Variants in THSD4 observed in about 807,000 individuals in gnomAD.
THSD4 encodes the protein thrombospondin type-1 domain-containing protein 4.
A neutral mutation model predicts 119.0 loss-of-function variants in THSD4; 69 were observed. That is an observed-to-expected ratio of 0.58 (90% CI 0.48 to 0.71). THSD4 has a LOEUF of 0.71. Ranked by LOEUF, THSD4 falls within the 30% of genes least tolerant of loss-of-function variation. The pLI is 0.00. For synonymous variants in THSD4, 524 were observed against 540.4 expected (o/e 0.97, Z 0.42); for missense variants, 1,393 against 1,391.1 (o/e 1.00, Z -0.02).
At chr15:71,670,277 G>A (rs995150936) in intron 8 of THSD4, among the ~76,000 whole-genome samples, 2 of 151,680 alleles carry the variant, frequency 1.3e-5, no homozygotes, top group Non-Finnish European at 1.5e-5. Context: ...TCCCTGCCCT[G>A]TGTCCAAGTG....
At chr15:71,660,483 T>C (rs1292146826) in intron 7 of THSD4, 47 bp from the exon 8 acceptor site, 2 of 1,608,326 alleles carry the variant, frequency 1.2e-6, no homozygotes, top group South Asian at 1.1e-5. Context: ...TTCCTCTGCA[T>C]GCTCCTGATA....
intron 7 of THSD4, among the ~76,000 whole-genome samples, chr15:71,600,730 C>CTTTT: frequency 6.8e-6 from 1 of 147,576 alleles, no homozygotes; most frequent in African/African-American, 2.6e-5. Flanking sequence ...TCATGCCTGT[C>CTTTT]TTTTTTTTTC....
intron 2 of THSD4, among the ~76,000 whole-genome samples, chr15:71,143,215 G>A (rs2040622068): frequency 6.6e-6 from 1 of 152,146 alleles, no homozygotes; most frequent in Non-Finnish European, 1.5e-5. Context: ...CCAAATTAAC[G>A]TTTGGTGATC....
intron 1 of THSD4, among the ~76,000 whole-genome samples, chr15:71,138,863 T>TGTGTGTGTGTGTGA (rs1481793059): frequency 6.7e-6 from 1 of 149,618 alleles, no homozygotes; most frequent in South Asian, 2.1e-4. Context: ...AATTTCTTGG[T>TGTGTGTGTGTGTGA]GTGTGTGTGT....
intron 7 of THSD4, among the ~76,000 whole-genome samples, chr15:71,551,221 G>A (rs1030670814): frequency 3.6e-4 from 55 of 152,182 alleles, no homozygotes; most frequent in Admixed American, 1.8e-3. Flanking sequence ...TGTGTAAAAT[G>A]TGTTATCGAC....
At chr15:71,635,014 A>T (rs952191719) in intron 7 of THSD4, among the ~76,000 whole-genome samples, 6 of 152,228 alleles carry the variant, frequency 3.9e-5, no homozygotes, top group African/African-American at 1.2e-4. Flanking sequence ...AGACCGTCAG[A>T]TATTTCCTGC....
chr15:71,733,932 AAT>A, intron 10 of THSD4: 1 of 143,150 alleles, frequency 7.0e-6, no homozygotes, highest in Non-Finnish European at 1.5e-5. Context: ...AAAAAAAAAA[AAT>A]TGCTGAGAAA....
At chr15:71,301,230 AT>A (rs1297270956) in intron 6 of THSD4, among the ~76,000 whole-genome samples, 2 of 152,198 alleles carry the variant, frequency 1.3e-5, no homozygotes, top group African/African-American at 4.8e-5. Context: ...TGTTCTACAC[AT>A]TATTTAATTT....
intron 7 of THSD4, chr15:71,547,703 C>A: frequency 2.1e-6 from 1 of 476,640 alleles, no homozygotes; most frequent in Non-Finnish European, 3.5e-6. Flanking sequence ...GCTGTCTGTG[C>A]AGTTGCCACA....
chr15:71,455,715 A>T (rs1307858116), intron 7 of THSD4, among the ~76,000 whole-genome samples: 1 of 152,196 alleles, frequency 6.6e-6, no homozygotes, highest in African/African-American at 2.4e-5. Context: ...GAGAGGTAGC[A>T]GGCAGAAATT....
rs143504745 is a variant in THSD4, at chr15:71,537,417, G to T, written c.1153-123113G>T. 1.2e-4 allele frequency among the ~76,000 whole-genome samples: 19 copies of T among 152,136 alleles called. No homozygotes were observed. The East Asian group carries it at 3.7e-3, about 30-fold the overall frequency. On this transcript the variant is annotated intron_variant, in intron 7 of 17. Transcript: ENST00000261862. Reference sequence around the variant, plus strand: ...TTTGTCCTCAGCCCATCTGATACTGGGCTGGCTCCCCCTTGGTTGCTTCTA... The same window carrying T: ...TTTGTCCTCAGCCCATCTGATACTGTGCTGGCTCCCCCTTGGTTGCTTCTA...
Position 71,657,074 on chromosome 15 carries a change from AAGG to A in THSD4, c.1153-3453_1153-3451del, listed in dbSNP as rs200649695. Among the ~76,000 whole-genome samples the A allele has an allele frequency of 6.7e-3, 1,022 of 152,214 alleles. 12 individuals carry two copies. Among genetic ancestry groups the A allele is most frequent in the African/African-American group, 0.023 (971 of 41,510 alleles). ...CCAATTGTTAATTATCGACTTTCTA[AAGG>A]AGATTTGATCCTGTCCAGCACGACA... On this transcript the variant is annotated intron_variant, in intron 7 of 17. Transcript: ENST00000261862.
intron 3 of THSD4, among the ~76,000 whole-genome samples, chr15:71,160,778 T>C (rs1476792155): frequency 6.6e-6 from 1 of 151,880 alleles, no homozygotes; most frequent in Non-Finnish European, 1.5e-5. Context: ...TAAAATTTTT[T>C]TTTTTTTAGT....
intron 3 of THSD4, among the ~76,000 whole-genome samples, chr15:71,167,676 T>C (rs1011583026): frequency 3.3e-5 from 5 of 152,246 alleles, no homozygotes; most frequent in African/African-American, 1.2e-4. Context: ...TCACAATCTT[T>C]AGCAGACAGC....
chr15:71,577,045 G>A (rs4340286), intron 7 of THSD4, among the ~76,000 whole-genome samples: 111,564 of 151,142 alleles, frequency 0.74, 41,738 homozygotes, highest in East Asian at 0.91. Context: ...GGATTATGCA[G>A]TATGAACTGT....
chr15:71,600,724 G>C (rs1455151083), intron 7 of THSD4, among the ~76,000 whole-genome samples: 2 of 151,414 alleles, frequency 1.3e-5, no homozygotes, highest in East Asian at 3.9e-4. Flanking sequence ...CTATTATCAT[G>C]CCTGTCTTTT....
At chr15:71,275,588 T>G (rs2044580109) in intron 6 of THSD4, among the ~76,000 whole-genome samples, 1 of 152,208 alleles carries the variant, frequency 6.6e-6, no homozygotes, top group East Asian at 1.9e-4. Flanking sequence ...CTTTATATAT[T>G]TATCAGACAT....
chr15:71,206,652 T>C (rs2043846095), intron 3 of THSD4, among the ~76,000 whole-genome samples: 1 of 152,162 alleles, frequency 6.6e-6, no homozygotes, highest in South Asian at 2.1e-4. Context: ...CTTACATGAT[T>C]TCACATTAGT....
chr15:71,772,553 A>C (rs562119207), intron 17 of THSD4, among the ~76,000 whole-genome samples: 1 of 152,252 alleles, frequency 6.6e-6, no homozygotes, highest in African/African-American at 2.4e-5. Flanking sequence ...AAGGTTCCCA[A>C]GGGGAGCCGT....
Sources: allele counts gnomAD v4.1 joint callset (sites outside exome capture counted in the v4.1 genomes callset), GRCh38; gene constraint gnomAD v4.1.1; transcripts MANE v1.5; gene names NCBI Gene and HGNC (gene_info 2026-07-23, HGNC 2026-07-21).